The following TBC1D23 variants were observed in gnomAD, a reference collection of about 807,000 sequenced individuals.
TBC1D23 encodes HCV non-structural protein 4A-transactivated protein 1.
In TBC1D23, 55 loss-of-function variants were observed where a neutral mutation model predicts 91.4. The observed-to-expected ratio is 0.60, with a 90% confidence interval of 0.48 to 0.75. TBC1D23 has a LOEUF of 0.75. Among genes scored for constraint, TBC1D23 ranks in the 30% least tolerant of loss-of-function variants. The pLI is 0.00. For missense variants in TBC1D23, 725 were observed against 836.1 expected (o/e 0.87, Z 1.64); for synonymous variants, 289 against 281.0 (o/e 1.03, Z -0.28).
chr3:100,279,785 A>C (rs1318027202), intron 2 of TBC1D23, 25 bp downstream of exon 2: 1 of 1,370,096 alleles, frequency 7.3e-7, no homozygotes, highest in Non-Finnish European at 1.0e-6. Flanking sequence ...AAATGAATAA[A>C]ATGTAATCAC....
rs1705520134 is a variant in TBC1D23 at position 100,306,468 on chromosome 3, G to C, written c.1338G>C (p.Val446=). ...AGCAGCACCTGGCAGACATTAATGT[G>C]GATGGACCAGAAAATGGATATGGCC... ...ALQQHLADIN[V]DGPENGYGHW... Residue 446 remains valine (V), a synonymous_variant, in exon 13 of 19, where the codon GTG becomes GTC. Transcript: ENST00000394144. 1 of 1,611,892 alleles carries C rather than the reference G, an allele frequency of 6.2e-7. No individual in the cohort carries two copies. The highest frequency in any genetic ancestry group is 1.3e-5 in the African/African-American group (1 of 74,882).
chr3:100,291,402 G>C (rs1482897964), intron 5 of TBC1D23, among the ~76,000 whole-genome samples: 3 of 152,086 alleles, frequency 2.0e-5, no homozygotes, highest in Non-Finnish European at 4.4e-5. Flanking sequence ...GGCCAACATG[G>C]CGAAACTTGT....
In TBC1D23 at chr3:100,295,173, T is replaced by C. The variant is rs755735733; in HGVS notation, c.687T>C (p.Phe229=). Reference sequence around the variant, plus strand: ...ATCTACAACAAGCAGATCCATTTTTTATTTATTTCTTAATGTTAATTATCC... The same window carrying C: ...ATCTACAACAAGCAGATCCATTTTTCATTTATTTCTTAATGTTAATTATCC... ...DGYLQQADPF[F]IYFLMLIILV... is the part of the protein sequence containing the mutation. Residue 229 remains phenylalanine (F), a synonymous_variant, in exon 6 of 19, where the codon TTT becomes TTC. Transcript: ENST00000394144. 6 of 1,604,756 alleles carry C rather than the reference T, an allele frequency of 3.7e-6. No individual in the cohort carries two copies. In the South Asian group the frequency reaches 6.7e-5, roughly 18 times the overall value.
chr3:100,286,497 T>C (rs949988903), intron 4 of TBC1D23, among the ~76,000 whole-genome samples: 31 of 143,180 alleles, frequency 2.2e-4, no homozygotes, highest in African/African-American at 7.2e-4. Context: ...TTTTAACATA[T>C]CTTCTTTTTT....
rs71625558 is a variant in TBC1D23 at position 100,276,086 on chromosome 3, TAA to T, written c.54-3548_54-3547del. Among the ~76,000 whole-genome samples the T allele has an allele frequency of 1.0e-3, 141 of 138,632 alleles. 1 individual carries two copies. The highest frequency in any genetic ancestry group is 7.3e-3 in the Middle Eastern group (2 of 274). 90.9% of individuals were successfully genotyped at this position (138,632 alleles called of 152,430 possible). ...TCTTTAAGTGCAGAAAGATACTTGTTAAAAAAAAAAAAAAAAGGAGATGAACT... is the reference window on the plus strand; with the variant it reads ...TCTTTAAGTGCAGAAAGATACTTGTTAAAAAAAAAAAAAAGGAGATGAACT... On this transcript the variant is annotated intron_variant, in intron 1 of 18. Transcript: ENST00000394144.
At chr3:100,275,298 G>C (rs907732572) in intron 1 of TBC1D23, among the ~76,000 whole-genome samples, 2 of 150,410 alleles carry the variant, frequency 1.3e-5, no homozygotes, top group Non-Finnish European at 3.0e-5. Flanking sequence ...TCTGTAGCCT[G>C]TTTTTTGAGA....
At chr3:100,297,898 T>A (rs757659504) in intron 8 of TBC1D23, 25 bp from the exon 9 acceptor site, 4 of 1,544,716 alleles carry the variant, frequency 2.6e-6, no homozygotes, top group Non-Finnish European at 1.8e-6. Flanking sequence ...TTTTTCATAA[T>A]GTTTAAAAAT....
chr3:100,292,458 C>T (rs55660654), intron 5 of TBC1D23, among the ~76,000 whole-genome samples: 5,700 of 152,212 alleles, frequency 0.037, 257 homozygotes, highest in East Asian at 0.22. Context: ...AGTACTGTAC[C>T]TACTTCAGAG....
chr3:100,284,666 G>GT (rs967296387), intron 4 of TBC1D23, among the ~76,000 whole-genome samples: 11 of 152,230 alleles, frequency 7.2e-5, no homozygotes, highest in Non-Finnish European at 1.6e-4. Context: ...GATGGGGGTT[G>GT]TAGTGGGGGT....
intron 4 of TBC1D23, among the ~76,000 whole-genome samples, chr3:100,285,304 G>T (rs1251328762): frequency 6.6e-6 from 1 of 152,070 alleles, no homozygotes; most frequent in Non-Finnish European, 1.5e-5. Context: ...CAAAATGGGG[G>T]GAATGATTGG....
intron 5 of TBC1D23, among the ~76,000 whole-genome samples, chr3:100,291,493 A>G (rs2067789737): frequency 1.3e-5 from 2 of 151,506 alleles, no homozygotes; most frequent in Admixed American, 1.3e-4. Context: ...GAGGCAGGAG[A>G]AATCACTTGA....
intron 4 of TBC1D23, among the ~76,000 whole-genome samples, chr3:100,289,714 A>C (rs1403736085): frequency 6.6e-6 from 1 of 152,156 alleles, no homozygotes; most frequent in Non-Finnish European, 1.5e-5. Context: ...AACTGTAGGA[A>C]ATCCATGGCC....
intron 13 of TBC1D23, among the ~76,000 whole-genome samples, chr3:100,308,878 G>A (rs532754277): frequency 1.3e-4 from 20 of 152,324 alleles, no homozygotes; most frequent in African/African-American, 4.3e-4. Flanking sequence ...CACCCATCAC[G>A]AAGTTGCCTT....
chr3:100,309,889 G>A (rs2583657), intron 13 of TBC1D23, among the ~76,000 whole-genome samples: 1 of 152,132 alleles, frequency 6.6e-6, no homozygotes, highest in Non-Finnish European at 1.5e-5. Context: ...GATTACAGGC[G>A]TGAGCCACCG....
intron 1 of TBC1D23, among the ~76,000 whole-genome samples, chr3:100,272,456 A>C (rs1274572970): frequency 6.6e-6 from 1 of 152,126 alleles, no homozygotes; most frequent in East Asian, 1.9e-4. Context: ...ATGGATAGGA[A>C]GAATTAATAT....
chr3:100,278,535 C>A (rs887762986), intron 1 of TBC1D23, among the ~76,000 whole-genome samples: 3 of 152,086 alleles, frequency 2.0e-5, no homozygotes, highest in Non-Finnish European at 2.9e-5. Flanking sequence ...CAGGGACCTG[C>A]CACCACAGCC....
intron 1 of TBC1D23, among the ~76,000 whole-genome samples, chr3:100,273,213 C>T (rs1165697393): frequency 1.3e-5 from 2 of 152,184 alleles, no homozygotes; most frequent in Non-Finnish European, 2.9e-5. Context: ...GTGGTGATGA[C>T]TGTTAACGAG....
intron 5 of TBC1D23, among the ~76,000 whole-genome samples, chr3:100,294,336 C>T (rs2067819336): frequency 6.6e-6 from 1 of 151,612 alleles, no homozygotes; most frequent in African/African-American, 2.4e-5. Flanking sequence ...TCTCTTCTCA[C>T]TGCAACCTCT....
At chr3:100,282,399 C>A (rs1361084780) in intron 3 of TBC1D23, among the ~76,000 whole-genome samples, 1 of 152,098 alleles carries the variant, frequency 6.6e-6, no homozygotes, top group Admixed American at 6.5e-5. Context: ...TTGTTGTAGT[C>A]TTAAATTTGA....
Sources: allele counts gnomAD v4.1 joint callset (sites outside exome capture counted in the v4.1 genomes callset), GRCh38; gene constraint gnomAD v4.1.1; transcripts MANE v1.5; gene names NCBI Gene and HGNC (gene_info 2026-07-23, HGNC 2026-07-21).